NHERF1: variants seen among roughly 807,000 people sequenced by gnomAD.
NHERF1 encodes the protein Na(+)/H(+) exchange regulatory cofactor NHE-RF1.
At chr17:74,764,922 G>T in the NHERF1 span, among the ~76,000 whole-genome samples, 1 of 152,232 alleles carries the variant, frequency 6.6e-6, no homozygotes, top group African/African-American at 2.4e-5. This position sits in a 1 kb window ranked among gnomAD's most constrained non-coding sequence, Gnocchi z 4.9. Context: ...GGCTGTGGGT[G>T]TCAAAAGGGA....
the NHERF1 span, among the ~76,000 whole-genome samples, chr17:74,755,070 C>G: frequency 6.6e-6 from 1 of 152,224 alleles, no homozygotes; most frequent in Admixed American, 6.5e-5. Context: ...ACCCAACCCT[C>G]TGACTCTAGT....
the NHERF1 span, among the ~76,000 whole-genome samples, chr17:74,757,887 G>C: frequency 3.3e-5 from 5 of 152,230 alleles, no homozygotes; most frequent in Non-Finnish European, 5.9e-5. Flanking sequence ...GGCTGGGGGA[G>C]GGGCAGTCTT....
chr17:74,754,175 AAAAG>A, the NHERF1 span, among the ~76,000 whole-genome samples: 2 of 151,958 alleles, frequency 1.3e-5, no homozygotes, highest in Admixed American at 6.6e-5. Context: ...AAATAAAAAA[AAAAG>A]AAAGAAGAAG....
the NHERF1 span, among the ~76,000 whole-genome samples, chr17:74,756,271 TTC>T: frequency 2.4e-5 from 3 of 122,456 alleles, no homozygotes; most frequent in African/African-American, 6.0e-5. Context: ...CTTTCTTTCT[TTC>T]TTTTTTTTTT....
At chr17:74,760,387 TG>T in the NHERF1 span, among the ~76,000 whole-genome samples, 2 of 152,178 alleles carry the variant, frequency 1.3e-5, no homozygotes, top group African/African-American at 4.8e-5. The surrounding 1 kb of genome is among the most constrained non-coding windows in gnomAD (Gnocchi z 4.5). Flanking sequence ...TCTTTGTTGT[TG>T]GGGTGAGGGG....
the NHERF1 span, chr17:74,768,251 C>CG: frequency 4.4e-6 from 7 of 1,590,536 alleles, no homozygotes; most frequent in South Asian, 4.4e-5. Flanking sequence ...GCCAGCCATG[C>CG]GGGGGGTGGC....
the NHERF1 span, among the ~76,000 whole-genome samples, chr17:74,762,718 T>TG: frequency 6.6e-6 from 1 of 152,120 alleles, no homozygotes; most frequent in Admixed American, 6.5e-5. This position sits in a 1 kb window ranked among gnomAD's most constrained non-coding sequence, Gnocchi z 4.2. Flanking sequence ...CCACCACGCC[T>TG]GGCTAATGTT....
At chr17:74,763,277 GGT>G in the NHERF1 span, 5 of 1,296,470 alleles carry the variant, frequency 3.9e-6, no homozygotes, top group Admixed American at 4.1e-5. Flanking sequence ...TGAGAACCAA[GGT>G]GGTCACCCCT....
chr17:74,756,225 A>C, the NHERF1 span, among the ~76,000 whole-genome samples: 1 of 150,032 alleles, frequency 6.7e-6, no homozygotes, highest in African/African-American at 2.5e-5. Flanking sequence ...CTGGGATTAC[A>C]GGCATGAGCC....
chr17:74,760,437 A>G, the NHERF1 span, among the ~76,000 whole-genome samples: 1 of 152,210 alleles, frequency 6.6e-6, no homozygotes, highest in Admixed American at 6.5e-5. This position sits in a 1 kb window ranked among gnomAD's most constrained non-coding sequence, Gnocchi z 4.5. Flanking sequence ...CCCAGGCAAG[A>G]AAGACCTGCC....
the NHERF1 span, chr17:74,768,153 A>G: frequency 9.8e-5 from 157 of 1,609,550 alleles, no homozygotes; most frequent in Non-Finnish European, 1.2e-4. Flanking sequence ...CCAGGAGAAC[A>G]GTCGTGAAGC....
chr17:74,768,370 T>C, the NHERF1 span: 8 of 1,473,606 alleles, frequency 5.4e-6, no homozygotes. Flanking sequence ...CTGGCTTCCC[T>C]GGGCACGGCC....
the NHERF1 span, chr17:74,768,088 C>T: frequency 8.5e-7 from 1 of 1,180,946 alleles, no homozygotes; most frequent in Non-Finnish European, 1.3e-6. Context: ...AGCTCCCTCC[C>T]TCCTCAGGAC....
At chr17:74,766,633 G>A in the NHERF1 span, among the ~76,000 whole-genome samples, 2 of 151,982 alleles carry the variant, frequency 1.3e-5, no homozygotes, top group East Asian at 1.9e-4. Context: ...AATGGCAAAC[G>A]TAGGCCAGAC....
the NHERF1 span, among the ~76,000 whole-genome samples, chr17:74,760,084 C>T: frequency 1.3e-5 from 2 of 152,154 alleles, no homozygotes; most frequent in African/African-American, 2.4e-5. The surrounding 1 kb of genome is among the most constrained non-coding windows in gnomAD (Gnocchi z 4.5). Flanking sequence ...CTGGTGACGG[C>T]GACTGGTCAG....
the NHERF1 span, among the ~76,000 whole-genome samples, chr17:74,752,897 G>A: frequency 6.6e-6 from 1 of 152,240 alleles, no homozygotes; most frequent in Non-Finnish European, 1.5e-5. Context: ...GCTGTCCTTG[G>A]CACATGGTAG....
chr17:74,762,510 G>A, the NHERF1 span, among the ~76,000 whole-genome samples: 1 of 152,214 alleles, frequency 6.6e-6, no homozygotes, highest in African/African-American at 2.4e-5. This position sits in a 1 kb window ranked among gnomAD's most constrained non-coding sequence, Gnocchi z 4.2. Context: ...CACACAGAGT[G>A]GGGTGGCAGT....
At chr17:74,758,283 G>C in the NHERF1 span, among the ~76,000 whole-genome samples, 1 of 152,234 alleles carries the variant, frequency 6.6e-6, no homozygotes, top group Non-Finnish European at 1.5e-5. The surrounding 1 kb of genome is among the most constrained non-coding windows in gnomAD (Gnocchi z 4.3). Context: ...CTTAGGGCGC[G>C]GTGAAGCTCC....
At chr17:74,758,601 C>G in the NHERF1 span, among the ~76,000 whole-genome samples, 1 of 152,166 alleles carries the variant, frequency 6.6e-6, no homozygotes, top group Non-Finnish European at 1.5e-5. The surrounding 1 kb of genome is among the most constrained non-coding windows in gnomAD (Gnocchi z 4.3). Flanking sequence ...CCACTTTGCC[C>G]TCCGGAACTC....
Sources: allele counts gnomAD v4.1 joint callset (sites outside exome capture counted in the v4.1 genomes callset), GRCh38; gene constraint gnomAD v4.1.1; non-coding constraint Gnocchi (gnomAD v3.1); transcripts MANE v1.5; gene names NCBI Gene and HGNC (gene_info 2026-07-23, HGNC 2026-07-21).